PCDH7: variants seen among roughly 807,000 people sequenced by gnomAD.
PCDH7 encodes the protein protocadherin-7.
Under a neutral mutation model 58.9 loss-of-function variants are expected in PCDH7, and 17 were observed. The ratio of observed to expected loss-of-function variants is 0.29; its 90% CI spans 0.20 to 0.43. The LOEUF is 0.43. Among genes scored for constraint, PCDH7 ranks in the 20% least tolerant of loss-of-function variants. PCDH7 has a pLI of 1.00. For missense variants in PCDH7, 1,274 were observed against 1,441.0 expected (o/e 0.88, Z 1.88); for synonymous variants, 664 against 616.4 (o/e 1.08, Z -1.14).
At chr4:30,988,357 T>A (rs1751168812) in intron 3 of PCDH7, among the ~76,000 whole-genome samples, 1 of 152,196 alleles carries the variant, frequency 6.6e-6, no homozygotes, top group Non-Finnish European at 1.5e-5. Flanking sequence ...GTTAGATAGA[T>A]GGGTAGACAG....
intron 3 of PCDH7, among the ~76,000 whole-genome samples, chr4:31,051,834 G>GTT (rs66792126): frequency 1.7e-5 from 2 of 119,448 alleles, no homozygotes; most frequent in African/African-American, 4.1e-5. Context: ...GGGTGTGTGT[G>GTT]GGGGGCGGGT....
At chr4:31,122,134 T>C (rs1246760459) in intron 3 of PCDH7, among the ~76,000 whole-genome samples, 1 of 152,136 alleles carries the variant, frequency 6.6e-6, no homozygotes, top group Non-Finnish European at 1.5e-5. Context: ...TCATGAATAA[T>C]ATATAACTCA....
chr4:30,887,220 T>A (rs1303686464), intron 1 of PCDH7, among the ~76,000 whole-genome samples: 1 of 152,114 alleles, frequency 6.6e-6, no homozygotes, highest in Non-Finnish European at 1.5e-5. Flanking sequence ...TAAATAATAA[T>A]CCCCTGTTGA....
At chr4:31,069,455 CA>C (rs1486479488) in intron 3 of PCDH7, among the ~76,000 whole-genome samples, 1 of 151,652 alleles carries the variant, frequency 6.6e-6, no homozygotes, top group Non-Finnish European at 1.5e-5. Context: ...TTTTTTAAAC[CA>C]AAAAATTAGC....
intron 1 of PCDH7, 181 bp downstream of exon 1, chr4:30,724,777 T>G: frequency 1.4e-6 from 2 of 1,415,360 alleles, no homozygotes; most frequent in Non-Finnish European, 1.8e-6. Context: ...GGTATACCAC[T>G]GTATTTTGCA....
At chr4:31,107,291 C>T (rs1359223881) in intron 3 of PCDH7, among the ~76,000 whole-genome samples, 2 of 152,020 alleles carry the variant, frequency 1.3e-5, no homozygotes, top group African/African-American at 2.4e-5. Flanking sequence ...TTTTGCATTT[C>T]GATTCTTTTT....
At chr4:30,983,355 G>A (rs1412438516) in intron 3 of PCDH7, among the ~76,000 whole-genome samples, 1 of 152,140 alleles carries the variant, frequency 6.6e-6, no homozygotes, top group Non-Finnish European at 1.5e-5. Context: ...AGGGATTCCT[G>A]CTATTATTTG....
chr4:31,142,799 T>C (rs1467503363), exon 4 of PCDH7: 9 of 1,367,022 alleles, frequency 6.6e-6, no homozygotes, highest in Non-Finnish European at 8.8e-6. Context: ...AACAGGGGAA[T>C]ATAAGCCATC....
intron 3 of PCDH7, among the ~76,000 whole-genome samples, chr4:31,081,347 C>T (rs930903757): frequency 6.6e-6 from 1 of 152,172 alleles, no homozygotes; most frequent in African/African-American, 2.4e-5. Context: ...AAGTGGACCA[C>T]ATTTTATACT....
At chr4:30,763,477 A>T (rs1720307728) in intron 1 of PCDH7, among the ~76,000 whole-genome samples, 1 of 152,190 alleles carries the variant, frequency 6.6e-6, no homozygotes, top group Non-Finnish European at 1.5e-5. Flanking sequence ...TCATCTACTT[A>T]TATGTAAGAT....
intron 1 of PCDH7, among the ~76,000 whole-genome samples, chr4:30,754,855 C>T (rs1719068001): frequency 6.6e-6 from 1 of 152,088 alleles, no homozygotes; most frequent in African/African-American, 2.4e-5. Flanking sequence ...TGGCAATATT[C>T]AGATGGCTTA....
At chr4:30,896,475 A>G (rs1739401729) in intron 1 of PCDH7, among the ~76,000 whole-genome samples, 1 of 152,178 alleles carries the variant, frequency 6.6e-6, no homozygotes, top group Non-Finnish European at 1.5e-5. Context: ...TATAAAAGTT[A>G]TAAAGTATCT....
At chr4:31,136,324 A>G (rs924036272) in intron 3 of PCDH7, among the ~76,000 whole-genome samples, 1 of 152,208 alleles carries the variant, frequency 6.6e-6, no homozygotes, top group African/African-American at 2.4e-5. Flanking sequence ...ATTATCTCAC[A>G]TATAAGGAAC....
intron 3 of PCDH7, among the ~76,000 whole-genome samples, chr4:30,996,506 C>T (rs1751912719): frequency 6.6e-6 from 1 of 152,112 alleles, no homozygotes; most frequent in African/African-American, 2.4e-5. Flanking sequence ...AATGACTTTT[C>T]TTCCCCTCCG....
intron 2 of PCDH7, among the ~76,000 whole-genome samples, chr4:30,924,377 T>C (rs1743576240): frequency 1.3e-5 from 2 of 152,194 alleles, no homozygotes; most frequent in African/African-American, 4.8e-5. Context: ...AATCTGTGAT[T>C]CTCTTACATT....
intron 3 of PCDH7, among the ~76,000 whole-genome samples, chr4:30,993,287 T>G (rs1751612508): frequency 6.6e-6 from 1 of 152,212 alleles, no homozygotes; most frequent in Admixed American, 6.5e-5. Flanking sequence ...GTAGATACTG[T>G]GCTTGACAAT....
intron 1 of PCDH7, among the ~76,000 whole-genome samples, chr4:30,750,329 G>C (rs976492227): frequency 1.3e-5 from 2 of 152,124 alleles, no homozygotes; most frequent in African/African-American, 4.8e-5. Context: ...GCTTAACCTT[G>C]CTATAAGTCA....
chr4:30,908,652 A>C (rs1416951676), intron 1 of PCDH7, among the ~76,000 whole-genome samples: 2 of 152,182 alleles, frequency 1.3e-5, no homozygotes, highest in Non-Finnish European at 2.9e-5. Flanking sequence ...ATTGCCTACC[A>C]ACCAAAAAAA....
At chr4:30,766,113 G>GA (rs34353609) in intron 1 of PCDH7, among the ~76,000 whole-genome samples, 85,119 of 146,764 alleles carry the variant, frequency 0.58, 26,205 homozygotes, top group African/African-American at 0.82. Flanking sequence ...TAAATGTAGG[G>GA]AAAAAAAAAA....
Sources: allele counts gnomAD v4.1 joint callset (sites outside exome capture counted in the v4.1 genomes callset), GRCh38; gene constraint gnomAD v4.1.1; transcripts MANE v1.5; gene names NCBI Gene and HGNC (gene_info 2026-07-23, HGNC 2026-07-21).